The following SCN2A variants were observed in gnomAD, a reference collection of about 807,000 sequenced individuals.
SCN2A encodes sodium channel protein type 2 subunit alpha.
A neutral mutation model predicts 188.7 loss-of-function variants in SCN2A; 20 were observed. That is an observed-to-expected ratio of 0.11 (90% CI 0.07 to 0.15). SCN2A has a LOEUF of 0.15. Ranked by LOEUF, SCN2A falls within the 10% of genes least tolerant of loss-of-function variation. The pLI is 1.00. For synonymous variants in SCN2A, 804 were observed against 833.1 expected, an observed-to-expected ratio of 0.97 and a Z score of 0.60; for missense variants, 1,278 against 2,445.0, an observed-to-expected ratio of 0.52 and a Z score of 10.07.
intron 1 of SCN2A, among the ~76,000 whole-genome samples, chr2:165,260,694 T>G (rs1342574381): frequency 1.3e-5 from 2 of 151,920 alleles, no homozygotes; most frequent in Non-Finnish European, 2.9e-5. Context: ...TGGCCAGGCA[T>G]GGTGGCTCAT....
intron 19 of SCN2A, among the ~76,000 whole-genome samples, chr2:165,368,286 C>T (rs927461120): frequency 2.0e-5 from 3 of 152,110 alleles, no homozygotes; most frequent in African/African-American, 7.2e-5. Context: ...CTCTGATGTC[C>T]AGCTGTTCCT....
intron 3 of SCN2A, among the ~76,000 whole-genome samples, chr2:165,303,319 T>C (rs1409953685): frequency 7.1e-6 from 1 of 140,176 alleles, no homozygotes; most frequent in Non-Finnish European, 1.5e-5. Context: ...TCTGTCGCCC[T>C]GGCTGGAGTG....
chr2:165,256,082 T>G (rs1694311606), intron 1 of SCN2A, among the ~76,000 whole-genome samples: 1 of 140,762 alleles, frequency 7.1e-6, no homozygotes, highest in Admixed American at 7.7e-5. Flanking sequence ...CTCGGCTCAC[T>G]ACAACCTCCG....
At chr2:165,337,679 C>T (rs1356957449) in intron 14 of SCN2A, among the ~76,000 whole-genome samples, 3 of 151,816 alleles carry the variant, frequency 2.0e-5, no homozygotes, top group South Asian at 2.1e-4. Context: ...AATAAAAGCC[C>T]ATTATTCTAC....
At chr2:165,242,062 A>G (rs1274463155) in intron 1 of SCN2A, among the ~76,000 whole-genome samples, 1 of 152,084 alleles carries the variant, frequency 6.6e-6, no homozygotes, top group Non-Finnish European at 1.5e-5. Flanking sequence ...CCCCTGGGGC[A>G]GTAAAAGTAA....
At chr2:165,315,401 A>G (rs531103576) in intron 10 of SCN2A, 70 bp from the exon 11 acceptor site, 1 of 1,602,244 alleles carries the variant, frequency 6.2e-7, no homozygotes, top group South Asian at 1.1e-5. Context: ...ATTGAAGCTC[A>G]ATTAAGCAGT....
chr2:165,276,149 T>C (rs941386801), intron 1 of SCN2A, among the ~76,000 whole-genome samples: 2 of 152,210 alleles, frequency 1.3e-5, no homozygotes, highest in East Asian at 3.8e-4. Flanking sequence ...TACTGCCTTT[T>C]TTTGTTTGTT....
intron 15 of SCN2A, among the ~76,000 whole-genome samples, chr2:165,343,067 A>C (rs1401635502): frequency 6.6e-6 from 1 of 152,218 alleles, no homozygotes; most frequent in Non-Finnish European, 1.5e-5. Context: ...AAACTATTAG[A>C]TCTTAAAATT....
intron 1 of SCN2A, among the ~76,000 whole-genome samples, chr2:165,275,947 C>G (rs1461195322): frequency 6.6e-6 from 1 of 152,100 alleles, no homozygotes; most frequent in Non-Finnish European, 1.5e-5. Flanking sequence ...GTTGGCCAGG[C>G]TGGTCTTGAA....
At chr2:165,250,489 T>TCACACA (rs3029614) in intron 1 of SCN2A, among the ~76,000 whole-genome samples, 32 of 148,312 alleles carry the variant, frequency 2.2e-4, no homozygotes, top group African/African-American at 6.9e-4. Context: ...TTGCTCTATT[T>TCACACA]CACACACACA....
At chr2:165,339,183 T>C (rs1699175482) in intron 14 of SCN2A, among the ~76,000 whole-genome samples, 1 of 151,206 alleles carries the variant, frequency 6.6e-6, no homozygotes, top group African/African-American at 2.4e-5. Context: ...ATTAAGCCAC[T>C]GCACTCCACA....
intron 1 of SCN2A, among the ~76,000 whole-genome samples, chr2:165,279,686 G>C (rs1456460533): frequency 6.6e-6 from 1 of 152,090 alleles, no homozygotes; most frequent in Non-Finnish European, 1.5e-5. Flanking sequence ...GAATGAGAAG[G>C]GAAGAGATAG....
At chr2:165,378,852 C>T (rs996311764) in intron 23 of SCN2A, among the ~76,000 whole-genome samples, 1 of 151,772 alleles carries the variant, frequency 6.6e-6, no homozygotes, top group South Asian at 2.1e-4. Context: ...GGATCTTGAA[C>T]TTTAATTAGT....
chr2:165,260,242 C>T (rs1306494397), intron 1 of SCN2A, among the ~76,000 whole-genome samples: 1 of 152,098 alleles, frequency 6.6e-6, no homozygotes, highest in Non-Finnish European at 1.5e-5. Context: ...TGCGCCCGGC[C>T]AAAATGGATT....
At chr2:165,382,148 T>C (rs1244459463) in intron 25 of SCN2A, among the ~76,000 whole-genome samples, 2 of 152,060 alleles carry the variant, frequency 1.3e-5, no homozygotes, top group African/African-American at 4.8e-5. Context: ...AAATGTATAC[T>C]TCATAGCCAT....
intron 1 of SCN2A, among the ~76,000 whole-genome samples, chr2:165,286,894 C>T (rs80033509): frequency 0.024 from 3,642 of 152,208 alleles, 60 homozygotes; most frequent in Non-Finnish European, 0.036. Flanking sequence ...GGGATTTGCT[C>T]ACATCTCTGA....
At chr2:165,281,990 G>A (rs1695602507) in intron 1 of SCN2A, among the ~76,000 whole-genome samples, 1 of 152,148 alleles carries the variant, frequency 6.6e-6, no homozygotes, top group South Asian at 2.1e-4. Flanking sequence ...TCCCTGCCCA[G>A]GCCACTCAGT....
chr2:165,280,575 A>C (rs199631579), intron 1 of SCN2A, among the ~76,000 whole-genome samples: 2 of 152,262 alleles, frequency 1.3e-5, no homozygotes, highest in East Asian at 3.9e-4. Flanking sequence ...GCCCCCACCC[A>C]TATCCTTAGC....
At chr2:165,322,622 A>C (rs1420246751) in intron 11 of SCN2A, among the ~76,000 whole-genome samples, 1 of 152,196 alleles carries the variant, frequency 6.6e-6, no homozygotes, top group East Asian at 1.9e-4. Context: ...GAAGTGGAGA[A>C]GCTGCCCCGT....
Sources: gnomAD v4.1 joint callset for allele counts (sites outside exome capture counted in the v4.1 genomes callset) on GRCh38, gnomAD v4.1.1 for gene constraint, MANE v1.5 for transcripts, NCBI Gene and HGNC (gene_info 2026-07-23, HGNC 2026-07-21) for gene names.